The following SHISAL1 variants were observed in gnomAD, a reference collection of about 807,000 sequenced individuals.
The protein encoded by SHISAL1 is protein shisa-like-1.
Under a neutral mutation model 22.6 loss-of-function variants are expected in SHISAL1, and 9 were observed. That is an observed-to-expected ratio of 0.40 (90% CI 0.24 to 0.70). The LOEUF (loss-of-function observed/expected upper bound fraction) is 0.70, where lower values mean the gene tolerates loss of function less well. SHISAL1 is among the 30% of genes least tolerant of loss of function. SHISAL1 has a pLI of 0.39. For synonymous variants in SHISAL1, 119 were observed against 115.4 expected (o/e 1.03, Z -0.20); for missense variants, 246 against 270.6 (o/e 0.91, Z 0.64).
At chr22:44,314,106 T>C (rs535295283), upstream of SHISAL1, among the ~76,000 whole-genome samples, 74 of 150,454 alleles carry the variant, frequency 4.9e-4, no homozygotes, top group Middle Eastern at 3.5e-3. Context: ...GAAACTGAGG[T>C]ACAGAGTTTC....
At chr22:44,275,578 G>GA (rs1182335967) in intron 4 of SHISAL1, among the ~76,000 whole-genome samples, 11 of 152,288 alleles carry the variant, frequency 7.2e-5, no homozygotes, top group African/African-American at 2.4e-4. Flanking sequence ...AGCCGGCATG[G>GA]GGTGGCATTA....
rs2055139129 is a variant in SHISAL1 at position 44,263,302 on chromosome 22, C to T, written c.*-13617G>A. Among the ~76,000 whole-genome samples the T allele has an allele frequency of 2.0e-5, 3 of 152,032 alleles. 1 individual carries two copies. In the South Asian group the frequency reaches 6.2e-4, roughly 32 times the overall value. ...GCTAGGCTGGTCTCGAACTCCTGAC[C>T]TCAGGTGATCTGCCCACCTTGGCCT... On this transcript the variant is annotated intron_variant, in intron 4 of 4. Coordinates refer to ENST00000381176, the MANE Select transcript of SHISAL1 (RefSeq NM_001099294.2).
chr22:44,301,103 C>T (rs1053559123), intron 1 of SHISAL1, 126 bp from the exon 2 acceptor site: 32 of 598,108 alleles, frequency 5.4e-5, no homozygotes, highest in Admixed American at 1.7e-4. Flanking sequence ...GAGCAGGGGC[C>T]GGGTGCGGAC....
intron 4 of SHISAL1, among the ~76,000 whole-genome samples, chr22:44,282,109 C>T (rs944646873): frequency 6.6e-6 from 1 of 152,234 alleles, no homozygotes; most frequent in Non-Finnish European, 1.5e-5. Context: ...CTGGGGGCTG[C>T]CTCGGGGCCC....
At chr22:44,317,427 T>C (rs566190803), upstream of SHISAL1, among the ~76,000 whole-genome samples, 8 of 152,324 alleles carry the variant, frequency 5.3e-5, no homozygotes, top group Non-Finnish European at 1.0e-4. Flanking sequence ...AGGAAGTGGC[T>C]CTCGGCTGCC....
At chr22:44,324,453 T>C in the SHISAL1 span, among the ~76,000 whole-genome samples, 1 of 152,226 alleles carries the variant, frequency 6.6e-6, no homozygotes, top group African/African-American at 2.4e-5. Flanking sequence ...GGTTCCTGCC[T>C]GGCTGCTTCA....
At position 44,296,855 on chromosome 22, in the gene SHISAL1, G is replaced by T; in HGVS notation, c.98C>A (p.Pro33Gln). The T allele has an allele frequency of 6.2e-7, 1 of 1,612,822 alleles. No individual in the cohort carries two copies. The highest frequency in any genetic ancestry group is 8.5e-7 in the Non-Finnish European group (1 of 1,179,972). ...GTAGCGGCCTTTGTGGTCTGTGTAT[G>T]GTTCACAGACCCGGAAATGTGCAGA... ...VLSAHFRVCE[P>Q]YTDHKGRYHF... is the part of the protein sequence containing the mutation. Residue 33 changes from proline (P) to glutamine (Q), a missense_variant, in exon 3 of 5, where the codon CCA (proline) becomes CAA (glutamine). Physicochemically the swap from Pro to Gln is moderately conservative, Grantham distance 76. Coordinates refer to ENST00000381176, the MANE Select transcript of SHISAL1 (RefSeq NM_001099294.2).
chr22:44,291,725 T>C (rs2055353736), intron 3 of SHISAL1, among the ~76,000 whole-genome samples: 1 of 143,512 alleles, frequency 7.0e-6, no homozygotes, highest in South Asian at 2.5e-4. Context: ...TGCCCATGCA[T>C]TGTGGGAGAT....
Position 44,247,738 on chromosome 22 carries a change from C to T in SHISAL1, c.*1947G>A, listed in dbSNP as rs2055013946. ...GGACAGCCAGGCAGAATGGAGGATG[C>T]TTTATACCCTAGCAAGTTTGTTCTG... On this transcript the variant is annotated 3_prime_UTR_variant, in exon 5 of 5. Coordinates refer to ENST00000381176, the MANE Select transcript of SHISAL1 (RefSeq NM_001099294.2). The T allele has an allele frequency of 6.6e-6, 1 of 152,344 alleles. No homozygotes were observed. The highest frequency in any genetic ancestry group is 2.1e-4 in the South Asian group (1 of 4,830). 9.4% of individuals were successfully genotyped at this position (152,344 alleles called of 1,614,324 possible).
intron 4 of SHISAL1, among the ~76,000 whole-genome samples, chr22:44,251,461 A>T (rs2055047065): frequency 6.6e-6 from 1 of 152,192 alleles, no homozygotes; most frequent in African/African-American, 2.4e-5. Flanking sequence ...TGATTTTTTA[A>T]AAGTTCTGTG....
chr22:44,272,861 C>T (rs2055214412), intron 4 of SHISAL1, among the ~76,000 whole-genome samples: 1 of 152,116 alleles, frequency 6.6e-6, no homozygotes, highest in African/African-American at 2.4e-5. Context: ...TTTGGGAGGC[C>T]GAGGCAGGCG....
At chr22:44,257,191 C>G (rs2055090420) in intron 4 of SHISAL1, among the ~76,000 whole-genome samples, 1 of 152,174 alleles carries the variant, frequency 6.6e-6, no homozygotes, top group Non-Finnish European at 1.5e-5. Context: ...ATCCTCTGAC[C>G]CAGTGGTCTC....
At chr22:44,307,522 T>C (rs2055487839) in intron 1 of SHISAL1, among the ~76,000 whole-genome samples, 1 of 152,160 alleles carries the variant, frequency 6.6e-6, no homozygotes, top group South Asian at 2.1e-4. Flanking sequence ...GGGTTCTATT[T>C]CTCTGAAAAT....
chr22:44,252,994 T>TTACAAAAAA (rs1285694068), intron 4 of SHISAL1, among the ~76,000 whole-genome samples: 8 of 150,864 alleles, frequency 5.3e-5, no homozygotes, highest in African/African-American at 2.0e-4. Context: ...AGACTCCATC[T>TTACAAAAAA]TAAAAAAAAT....
At chr22:44,273,533 C>T (rs1250271417) in intron 4 of SHISAL1, among the ~76,000 whole-genome samples, 1 of 152,244 alleles carries the variant, frequency 6.6e-6, no homozygotes, top group African/African-American at 2.4e-5. Flanking sequence ...TAACAACAGG[C>T]TCCCAAAATT....
the SHISAL1 span, among the ~76,000 whole-genome samples, chr22:44,330,974 CCGCAGCG>C: frequency 6.6e-6 from 1 of 152,098 alleles, no homozygotes; most frequent in Non-Finnish European, 1.5e-5. Flanking sequence ...CCCTCTGGGT[CCGCAGCG>C]TGGCCCTCAG....
chr22:44,293,245 G>C (rs768786939), intron 3 of SHISAL1, among the ~76,000 whole-genome samples: 2 of 152,210 alleles, frequency 1.3e-5, no homozygotes, highest in Non-Finnish European at 2.9e-5. Flanking sequence ...AAGGAGCTGC[G>C]TCCTCCTCTG....
At chr22:44,301,460 A>C (rs2055428841) in intron 1 of SHISAL1, among the ~76,000 whole-genome samples, 1 of 152,226 alleles carries the variant, frequency 6.6e-6, no homozygotes, top group Non-Finnish European at 1.5e-5. Flanking sequence ...TGCATGAAAT[A>C]GAAGCAGTTC....
chr22:44,326,720 A>C, the SHISAL1 span, among the ~76,000 whole-genome samples: 26 of 152,252 alleles, frequency 1.7e-4, no homozygotes, highest in East Asian at 3.7e-3. Context: ...GAAGGAGAGC[A>C]GGCTGGGGGG....
Sources: allele counts gnomAD v4.1 joint callset (sites outside exome capture counted in the v4.1 genomes callset), GRCh38; gene constraint gnomAD v4.1.1; transcripts MANE v1.5; gene names NCBI Gene and HGNC (gene_info 2026-07-23, HGNC 2026-07-21).